Variants in KAZN observed in about 807,000 individuals in gnomAD.
KAZN encodes kazrin.
In KAZN, 40 loss-of-function variants were observed where a neutral mutation model predicts 87.4. The observed-to-expected ratio is 0.46, with a 90% CI of 0.36 to 0.60. The LOEUF (loss-of-function observed/expected upper bound fraction) is 0.60. Ranked by LOEUF, KAZN falls within the 20% of genes least tolerant of loss-of-function variation. The pLI, the probability that KAZN is intolerant of heterozygous loss-of-function variation, is 0.00. For synonymous variants in KAZN, 466 were observed against 458.3 expected, an observed-to-expected ratio of 1.02 and a Z score of -0.22; for missense variants, 898 against 1,073.9, an observed-to-expected ratio of 0.84 and a Z score of 2.29.
intron 1 of KAZN, among the ~76,000 whole-genome samples, chr1:14,052,760 A>G (rs1330577614): frequency 1.3e-5 from 2 of 152,330 alleles, no homozygotes; most frequent in East Asian, 1.9e-4. Flanking sequence ...TCTCTGAAGA[A>G]GTGACATTCG....
intron 1 of KAZN, among the ~76,000 whole-genome samples, chr1:14,731,289 G>A (rs1318849759): frequency 2.0e-5 from 3 of 152,138 alleles, no homozygotes; most frequent in African/African-American, 7.2e-5. Context: ...TTTCCCATCT[G>A]TTTTGAACTC....
intron 1 of KAZN, among the ~76,000 whole-genome samples, chr1:14,022,007 T>A (rs1345789633): frequency 7.3e-6 from 1 of 136,602 alleles, no homozygotes; most frequent in Non-Finnish European, 1.5e-5. Context: ...ATCATCAGTC[T>A]GTTCCATCAG....
chr1:14,388,782 G>A (rs1309369888), intron 2 of KAZN, among the ~76,000 whole-genome samples: 2 of 152,114 alleles, frequency 1.3e-5, no homozygotes, highest in Non-Finnish European at 2.9e-5. Context: ...CCAGGACATT[G>A]GACTGGGCAA....
intron 2 of KAZN, among the ~76,000 whole-genome samples, chr1:14,215,247 A>C (rs1431496433): frequency 6.6e-6 from 1 of 152,212 alleles, no homozygotes; most frequent in Non-Finnish European, 1.5e-5. Flanking sequence ...AGTATGATGT[A>C]GAAGGAATGA....
At chr1:14,736,451 A>T (rs891582448) in intron 1 of KAZN, among the ~76,000 whole-genome samples, 1 of 144,558 alleles carries the variant, frequency 6.9e-6, no homozygotes, top group Non-Finnish European at 1.5e-5. Context: ...GGCATGTGCC[A>T]CCACACCCAG....
At chr1:14,786,813 A>C (rs1251658865) in intron 1 of KAZN, among the ~76,000 whole-genome samples, 2 of 152,200 alleles carry the variant, frequency 1.3e-5, no homozygotes, top group African/African-American at 4.8e-5. Context: ...TGGTGCTGAC[A>C]TCTCATATTG....
chr1:14,367,000 G>A (rs774138890), intron 2 of KAZN, among the ~76,000 whole-genome samples: 72 of 152,342 alleles, frequency 4.7e-4, no homozygotes, highest in African/African-American at 1.7e-3. Context: ...GGGAGGCCGA[G>A]GCAGGCAGAT....
At chr1:14,946,530 G>A (rs537605785) in intron 1 of KAZN, among the ~76,000 whole-genome samples, 114 of 152,010 alleles carry the variant, frequency 7.5e-4, no homozygotes, top group African/African-American at 2.5e-3. Flanking sequence ...GTAGAGACAG[G>A]GTTTCACCGT....
At chr1:15,037,980 G>A (rs767190341) in intron 3 of KAZN, among the ~76,000 whole-genome samples, 6 of 151,860 alleles carry the variant, frequency 4.0e-5, no homozygotes, top group East Asian at 1.9e-4. Flanking sequence ...AGCCAGTTAC[G>A]GTGGCTCACA....
intron 1 of KAZN, among the ~76,000 whole-genome samples, chr1:14,664,254 A>T (rs183092156): frequency 1.4e-4 from 22 of 152,296 alleles, no homozygotes; most frequent in African/African-American, 5.3e-4. Flanking sequence ...CCAACATGGC[A>T]AAACCCTGTC....
intron 2 of KAZN, among the ~76,000 whole-genome samples, chr1:14,355,946 A>G (rs1454236971): frequency 6.6e-6 from 1 of 152,212 alleles, no homozygotes; most frequent in African/African-American, 2.4e-5. Context: ...GTATATACCC[A>G]GTAATGGGAT....
intron 1 of KAZN, among the ~76,000 whole-genome samples, chr1:14,933,267 A>AT (rs1255101748): frequency 4.0e-5 from 6 of 151,638 alleles, no homozygotes; most frequent in African/African-American, 1.5e-4. Context: ...AATTTTTTGG[A>AT]TTTTTAGTAG....
chr1:14,273,647 A>C (rs1001755882), intron 2 of KAZN, among the ~76,000 whole-genome samples: 10 of 152,208 alleles, frequency 6.6e-5, no homozygotes, highest in African/African-American at 2.4e-4. Flanking sequence ...TGTGTTCCCC[A>C]CCTCAAAAAG....
chr1:14,724,668 A>G (rs2100313402), intron 1 of KAZN, among the ~76,000 whole-genome samples: 1 of 152,296 alleles, frequency 6.6e-6, no homozygotes, highest in African/African-American at 2.4e-5. Flanking sequence ...TTTTCTCCAG[A>G]ACTGAAATGT....
At position 14,756,209 on chromosome 1, in the gene KAZN, G is replaced by A. The variant is rs116044462; in HGVS notation, c.226+156986G>A. ...GAGCCATGGTCTTCAGCATCTGAGC[G>A]GACATCCTGCTCTCAGCAGAGCCCA... On this transcript the variant is annotated intron_variant, in intron 1 of 14. Transcript: ENST00000376030. 6.7e-3 allele frequency among the ~76,000 whole-genome samples: 1,014 copies of A among 152,276 alleles called. 7 individuals are homozygous for A. Among genetic ancestry groups the A allele is most frequent in the African/African-American group, 0.022 (926 of 41,544 alleles).
intron 2 of KAZN, among the ~76,000 whole-genome samples, chr1:14,491,920 T>G (rs577829045): frequency 6.6e-6 from 1 of 152,208 alleles, no homozygotes; most frequent in Non-Finnish European, 1.5e-5. Flanking sequence ...TTTTTGCCTA[T>G]CCCTCCCTTT....
intron 1 of KAZN, among the ~76,000 whole-genome samples, chr1:13,922,831 T>G (rs971864277): frequency 1.3e-5 from 2 of 152,202 alleles, no homozygotes; most frequent in African/African-American, 4.8e-5. Flanking sequence ...TTGGAATGTT[T>G]TTTCTTACTT....
At chr1:14,924,406 G>A (rs1658911727) in intron 1 of KAZN, 3 of 988,804 alleles carry the variant, frequency 3.0e-6, no homozygotes, top group Non-Finnish European at 1.2e-6. Context: ...GCGTCCGCCA[G>A]CTCGCGGCGC....
chr1:14,878,189 C>T (rs1417782351), intron 1 of KAZN, among the ~76,000 whole-genome samples: 1 of 152,140 alleles, frequency 6.6e-6, no homozygotes, highest in Non-Finnish European at 1.5e-5. Flanking sequence ...CTGACTCCAG[C>T]TGCTTAATGC....
Sources: allele counts gnomAD v4.1 joint callset (sites outside exome capture counted in the v4.1 genomes callset), GRCh38; gene constraint gnomAD v4.1.1; transcripts MANE v1.5; gene names NCBI Gene and HGNC (gene_info 2026-07-23, HGNC 2026-07-21).